The following NPNT variants were observed in gnomAD, a reference collection of about 807,000 sequenced individuals.
NPNT encodes preosteoblast EGF-like repeat protein with MAM domain.
A neutral mutation model predicts 68.6 loss-of-function variants in NPNT; 45 were observed. The ratio of observed to expected loss-of-function variants is 0.66; its 90% confidence interval spans 0.52 to 0.84. NPNT has a LOEUF of 0.84. NPNT is among the 40% of genes least tolerant of loss of function. The pLI, the probability that NPNT is intolerant of heterozygous loss-of-function variation, is 0.00. For missense variants in NPNT, 672 were observed against 714.8 expected, an observed-to-expected ratio of 0.94 and a Z score of 0.68; for synonymous variants, 233 against 253.3, an observed-to-expected ratio of 0.92 and a Z score of 0.76.
intron 2 of NPNT, among the ~76,000 whole-genome samples, chr4:105,913,143 A>G (rs10012758): frequency 0.02 from 3,058 of 152,308 alleles, 104 homozygotes; most frequent in African/African-American, 0.068. Context: ...CTGGGATTAC[A>G]GGTGTGAGCT....
chr4:105,961,635 G>A (rs1731724718), intron 10 of NPNT, among the ~76,000 whole-genome samples: 1 of 152,014 alleles, frequency 6.6e-6, no homozygotes, highest in Non-Finnish European at 1.5e-5. Context: ...CTCTCTGATG[G>A]AAAAATGAGA....
chr4:105,931,227 G>A (rs1729079263), intron 3 of NPNT, among the ~76,000 whole-genome samples: 1 of 151,892 alleles, frequency 6.6e-6, no homozygotes, highest in African/African-American at 2.4e-5. Flanking sequence ...ATGATTTTTA[G>A]TATGTAAATA....
chr4:105,929,833 ATTGAAACAAAAGT>A, intron 3 of NPNT, among the ~76,000 whole-genome samples: 1 of 152,274 alleles, frequency 6.6e-6, no homozygotes, highest in East Asian at 1.9e-4. Context: ...TAAAAGTATT[ATTGAAACAAAAGT>A]TCATCACTGG....
chr4:105,919,530 C>G lies in NPNT; in HGVS notation c.173-7806C>G, dbSNP rs534033713. 5.9e-5 allele frequency among the ~76,000 whole-genome samples: 9 copies of G among 152,174 alleles called. No homozygotes were observed. The South Asian group carries it at 1.9e-3, about 32-fold the overall frequency. On this transcript the variant is annotated intron_variant, in intron 2 of 11. Coordinates refer to ENST00000379987, the MANE Select transcript of NPNT (RefSeq NM_001033047.3). The stretch of plus-strand genomic sequence containing the variant: ...TCCAGATCCAATTAAGAATCAAACA[C>G]TGCATTTAGTTGACATTCCTCTTTA...
intron 8 of NPNT, among the ~76,000 whole-genome samples, chr4:105,944,627 A>G (rs1004138250): frequency 6.6e-6 from 1 of 152,230 alleles, no homozygotes; most frequent in African/African-American, 2.4e-5. Flanking sequence ...AGCATTCATT[A>G]TAAGAGAGTG....
At chr4:105,967,101 A>G in intron 10 of NPNT, 87 bp from the exon 11 acceptor site, 2 of 1,389,412 alleles carry the variant, frequency 1.4e-6, no homozygotes, top group Non-Finnish European at 2.0e-6. Context: ...AAAAGAAAAA[A>G]AAAAAAAAAC....
intron 10 of NPNT, among the ~76,000 whole-genome samples, chr4:105,962,405 G>A (rs900557206): frequency 2.6e-5 from 4 of 152,160 alleles, no homozygotes; most frequent in Admixed American, 2.6e-4. Flanking sequence ...GAAAGGGGAT[G>A]AGAATAGGAT....
chr4:105,913,239 T>TA lies in NPNT; in HGVS notation c.173-14089dup, dbSNP rs563167063. On this transcript the variant is annotated intron_variant, in intron 2 of 11. Coordinates refer to ENST00000379987, the MANE Select transcript of NPNT (RefSeq NM_001033047.3). ...AAATGTTTTTAAGGCAGAATTTTAA[T>TA]AAAAAAAATATTTGGGAACAAAATT... 3.1e-4 allele frequency among the ~76,000 whole-genome samples: 47 copies of TA among 152,122 alleles called. 1 individual carries two copies. In the East Asian group the frequency reaches 5.4e-3, roughly 17 times the overall value.
At chr4:105,958,871 A>G (rs1731453873) in intron 9 of NPNT, 157 bp from the exon 10 acceptor site, 2 of 603,198 alleles carry the variant, frequency 3.3e-6, no homozygotes, top group Non-Finnish European at 5.9e-6. Context: ...GTGCTGAGAA[A>G]AGATTAATGT....
At chr4:105,938,471 G>A (rs1729675480) in intron 5 of NPNT, 51 bp downstream of exon 5, 1 of 1,588,876 alleles carries the variant, frequency 6.3e-7, no homozygotes, top group African/African-American at 1.4e-5. Flanking sequence ...AGGATAAAGG[G>A]AGAAAGTGAA....
intron 3 of NPNT, chr4:105,929,668 T>C (rs1379679520): frequency 6.6e-6 from 1 of 151,898 alleles, no homozygotes; most frequent in East Asian, 1.9e-4. Context: ...AGAGGTTTCA[T>C]TAATATATCA....
intron 8 of NPNT, among the ~76,000 whole-genome samples, chr4:105,953,265 A>G (rs568573835): frequency 6.6e-6 from 1 of 152,358 alleles, no homozygotes; most frequent in African/African-American, 2.4e-5. Context: ...TAGGTATGTC[A>G]CAAAAATTGG....
intron 8 of NPNT, among the ~76,000 whole-genome samples, chr4:105,955,651 AGCATATTG>A (rs1731169057): frequency 6.6e-6 from 1 of 152,126 alleles, no homozygotes; most frequent in Non-Finnish European, 1.5e-5. Context: ...TACCAGTATT[AGCATATTG>A]GCATATTGGT....
At chr4:105,902,136 A>G (rs1726470509) in intron 2 of NPNT, among the ~76,000 whole-genome samples, 1 of 152,200 alleles carries the variant, frequency 6.6e-6, no homozygotes, top group Non-Finnish European at 1.5e-5. Flanking sequence ...CCTGTCCATA[A>G]TCACAAAACT....
chr4:105,962,678 G>A (rs1731811269), intron 10 of NPNT, among the ~76,000 whole-genome samples: 1 of 152,058 alleles, frequency 6.6e-6, no homozygotes, highest in African/African-American at 2.4e-5. Flanking sequence ...AAAGAAGGAT[G>A]GGAAGACCAA....
At chr4:105,968,829 T>G in intron 11 of NPNT, 66 bp from the exon 12 acceptor site, 1 of 890,336 alleles carries the variant, frequency 1.1e-6, no homozygotes. Flanking sequence ...CCTTTATTTT[T>G]GCTTAATAAG....
chr4:105,942,111 G>GTATATATATATA (rs1359562097), intron 7 of NPNT, among the ~76,000 whole-genome samples, 196 bp from the exon 8 acceptor site: 10 of 138,228 alleles, frequency 7.2e-5, no homozygotes, highest in African/African-American at 2.8e-4. Context: ...GTGTCTGTGT[G>GTATATATATATA]TGTGTATATA....
chr4:105,941,414 T>C (rs993531953), intron 7 of NPNT, among the ~76,000 whole-genome samples: 12 of 152,144 alleles, frequency 7.9e-5, no homozygotes, highest in Non-Finnish European at 1.5e-4. Context: ...GCTTTTAAAA[T>C]TTTTATAAGT....
At chr4:105,959,511 T>G (rs1053785878) in intron 10 of NPNT, among the ~76,000 whole-genome samples, 2 of 150,820 alleles carry the variant, frequency 1.3e-5, no homozygotes, top group Admixed American at 6.7e-5. Context: ...GTTTTTTCTT[T>G]GTTTTTCTTT....
Sources: allele counts gnomAD v4.1 joint callset (sites outside exome capture counted in the v4.1 genomes callset), GRCh38; gene constraint gnomAD v4.1.1; transcripts MANE v1.5; gene names NCBI Gene and HGNC (gene_info 2026-07-23, HGNC 2026-07-21).